Variants in ROBO1 observed in about 807,000 individuals in gnomAD.
The protein encoded by ROBO1 is roundabout guidance receptor 1, also known as roundabout homolog 1.
ROBO1 carries 149 observed loss-of-function variants against 195.9 expected under a neutral mutation model. The ratio of observed to expected loss-of-function variants is 0.76; its 90% CI spans 0.67 to 0.87. ROBO1 has a LOEUF of 0.87. Among genes scored for constraint, ROBO1 ranks in the 40% least tolerant of loss-of-function variants. The pLI, the probability that ROBO1 is intolerant of heterozygous loss-of-function variation, is 0.00. For synonymous variants in ROBO1, 816 were observed against 733.2 expected (o/e 1.11, Z -1.82); for missense variants, 1,933 against 2,068.3 (o/e 0.93, Z 1.27).
chr3:79,014,050 T>C (rs1376677455), intron 3 of ROBO1, among the ~76,000 whole-genome samples: 4 of 152,250 alleles, frequency 2.6e-5, no homozygotes, highest in African/African-American at 9.6e-5. Context: ...AACTGTTCAA[T>C]TGATTCATGA....
chr3:78,963,882 A>G (rs80345545), intron 3 of ROBO1, among the ~76,000 whole-genome samples: 25,411 of 152,048 alleles, frequency 0.17, 3,421 homozygotes, highest in African/African-American at 0.38. Context: ...AAAATAGTGA[A>G]TGTATTAGTT....
At chr3:79,211,893 C>T (rs1466117090) in intron 2 of ROBO1, among the ~76,000 whole-genome samples, 1 of 152,146 alleles carries the variant, frequency 6.6e-6, no homozygotes, top group East Asian at 1.9e-4. Flanking sequence ...TCACAGCCTT[C>T]AGAGCTGAGA....
At chr3:78,707,570 ATAAAGT>A (rs1237963727) in intron 8 of ROBO1, among the ~76,000 whole-genome samples, 1 of 152,234 alleles carries the variant, frequency 6.6e-6, no homozygotes, top group Non-Finnish European at 1.5e-5. Context: ...AAGAAAGCTG[ATAAAGT>A]TGAGAGACTA....
At chr3:79,457,187 G>A (rs2039643863) in intron 2 of ROBO1, among the ~76,000 whole-genome samples, 2 of 152,218 alleles carry the variant, frequency 1.3e-5, no homozygotes, top group South Asian at 2.1e-4. Context: ...AAATTTGAGA[G>A]CACAGTCATT....
At chr3:79,588,703 A>G (rs756132220) in intron 2 of ROBO1, among the ~76,000 whole-genome samples, 3 of 151,784 alleles carry the variant, frequency 2.0e-5, no homozygotes, top group Non-Finnish European at 2.9e-5. Flanking sequence ...AAGGGAATAT[A>G]GGAACAGGCT....
intron 2 of ROBO1, among the ~76,000 whole-genome samples, chr3:79,333,479 TCA>T (rs2034537432): frequency 6.6e-6 from 1 of 151,874 alleles, no homozygotes; most frequent in African/African-American, 2.4e-5. Flanking sequence ...ACCATGTAAA[TCA>T]CACATATCCT....
chr3:79,416,700 C>T (rs2038020049), intron 2 of ROBO1, among the ~76,000 whole-genome samples: 1 of 151,804 alleles, frequency 6.6e-6, no homozygotes, highest in Non-Finnish European at 1.5e-5. Flanking sequence ...GGAAAAGATG[C>T]AACCATAGCT....
At chr3:79,145,566 C>G (rs2080631179) in intron 2 of ROBO1, among the ~76,000 whole-genome samples, 2 of 151,668 alleles carry the variant, frequency 1.3e-5, no homozygotes, top group Non-Finnish European at 2.9e-5. Context: ...TGTAACAAAC[C>G]TTATGTAAGC....
At chr3:78,860,139 G>GTAGATAGGTAGA (rs1553750280) in intron 4 of ROBO1, among the ~76,000 whole-genome samples, 1 of 141,976 alleles carries the variant, frequency 7.0e-6, no homozygotes, top group Admixed American at 7.0e-5. Flanking sequence ...AGGTAGATAG[G>GTAGATAGGTAGA]TAGATAGATA....
intron 2 of ROBO1, among the ~76,000 whole-genome samples, chr3:79,327,364 A>C (rs1419501554): frequency 3.3e-5 from 5 of 152,080 alleles, no homozygotes; most frequent in African/African-American, 9.7e-5. Flanking sequence ...GCTGAATATA[A>C]ATTTATTTCC....
chr3:78,939,122 A>G (rs1422227527), intron 3 of ROBO1, among the ~76,000 whole-genome samples, 195 bp from the exon 4 acceptor site: 1 of 152,030 alleles, frequency 6.6e-6, no homozygotes, highest in African/African-American at 2.4e-5. Context: ...TTGAGTCTCC[A>G]CTCAGAAACT....
chr3:78,715,278 C>G (rs909552972), intron 7 of ROBO1: 4 of 152,136 alleles, frequency 2.6e-5, no homozygotes, highest in Non-Finnish European at 4.4e-5. Flanking sequence ...TTCTGTTCTT[C>G]CCCTAACATA....
At chr3:79,732,346 A>G (rs1703188588) in intron 1 of ROBO1, among the ~76,000 whole-genome samples, 1 of 150,262 alleles carries the variant, frequency 6.7e-6, no homozygotes, top group African/African-American at 2.4e-5. Flanking sequence ...AATTTACACA[A>G]TTTAAAAAAG....
intron 2 of ROBO1, among the ~76,000 whole-genome samples, chr3:79,229,118 T>C (rs2082277331): frequency 6.6e-6 from 1 of 152,212 alleles, no homozygotes; most frequent in Admixed American, 6.5e-5. Context: ...TTAACTTATA[T>C]TTAACTTCCT....
intron 2 of ROBO1, among the ~76,000 whole-genome samples, chr3:79,469,112 T>C (rs1263827279): frequency 1.3e-5 from 2 of 152,130 alleles, no homozygotes; most frequent in Non-Finnish European, 2.9e-5. Context: ...TCAGTTTGAT[T>C]ATCAGTGGCA....
chr3:79,478,662 TC>T (rs1938669073), intron 2 of ROBO1, among the ~76,000 whole-genome samples: 1 of 152,120 alleles, frequency 6.6e-6, no homozygotes, highest in African/African-American at 2.4e-5. Flanking sequence ...CTTCCCTTCA[TC>T]CCCATACCAC....
chr3:79,639,201 T>A (rs1197139163), intron 1 of ROBO1, among the ~76,000 whole-genome samples: 2 of 152,188 alleles, frequency 1.3e-5, no homozygotes, highest in African/African-American at 4.8e-5. Flanking sequence ...CACATGATAA[T>A]CTTCCAATAT....
intron 2 of ROBO1, among the ~76,000 whole-genome samples, chr3:79,422,093 T>A (rs1174522725): frequency 2.7e-5 from 4 of 148,222 alleles, no homozygotes; most frequent in African/African-American, 7.3e-5. Context: ...GTATTATATA[T>A]AAAAATATTT....
chr3:78,616,215 C>G (rs867771917), intron 27 of ROBO1, among the ~76,000 whole-genome samples: 5 of 152,060 alleles, frequency 3.3e-5, no homozygotes, highest in South Asian at 2.1e-4. Flanking sequence ...AACGTATTCT[C>G]AAAGCAGTGG....
Sources: allele counts gnomAD v4.1 joint callset (sites outside exome capture counted in the v4.1 genomes callset), GRCh38; gene constraint gnomAD v4.1.1; transcripts MANE v1.5; gene names NCBI Gene and HGNC (gene_info 2026-07-23, HGNC 2026-07-21).